AKR1E2: variants seen among roughly 807,000 people sequenced by gnomAD.
AKR1E2 encodes the protein 1,5-anhydro-D-fructose reductase.
Under a neutral mutation model 41.9 loss-of-function variants are expected in AKR1E2, and 43 were observed. The ratio of observed to expected loss-of-function variants is 1.03; its 90% CI spans 0.80 to 1.32. AKR1E2 has a LOEUF of 1.32. Ranked by LOEUF, AKR1E2 falls within the 40% of genes most tolerant of loss-of-function variation. The pLI is 0.00. For synonymous variants in AKR1E2, 121 were observed against 138.9 expected, an observed-to-expected ratio of 0.87 and a Z score of 0.91; for missense variants, 423 against 396.5, an observed-to-expected ratio of 1.07 and a Z score of -0.57.
chr10:4,863,990 G>A, the AKR1E2 span, among the ~76,000 whole-genome samples: 1 of 152,068 alleles, frequency 6.6e-6, no homozygotes, highest in African/African-American at 2.4e-5. Context: ...ACCAAAAAAA[G>A]CCCAGGACCA....
At position 4,826,330 on chromosome 10, in the gene AKR1E2, A is replaced by G; in HGVS notation, c.6A>G (p.Gly2=). The G allele has an allele frequency of 8.1e-7, 1 of 1,234,244 alleles. No individual in the cohort carries two copies. Among genetic ancestry groups the G allele is most frequent in the Non-Finnish European group, 1.0e-6 (1 of 987,502 alleles). 76.5% of individuals were successfully genotyped at this position (1,234,244 alleles called of 1,614,324 possible). M[G]DIPAVGLSSW... ...CGGGGCGGCCGGCGGCGGCCATGGG[A>G]GATATCCCAGCCGTGGGCCTCAGCT... The change falls in exon 1 of 10, where the codon GGA becomes GGG. Residue 2 remains glycine (G), a synonymous_variant. Transcript: ENST00000298375.
At chr10:4,859,025 T>G in the AKR1E2 span, among the ~76,000 whole-genome samples, 1 of 152,048 alleles carries the variant, frequency 6.6e-6, no homozygotes, top group South Asian at 2.1e-4. Context: ...GGTTTCACCA[T>G]GTTGGCCAGG....
intron 3 of AKR1E2, among the ~76,000 whole-genome samples, chr10:4,834,534 T>C (rs1833245117): frequency 6.6e-6 from 1 of 152,238 alleles, no homozygotes; most frequent in Non-Finnish European, 1.5e-5. Context: ...TGTAATTATG[T>C]ACCCAGAACT....
At chr10:4,848,475 C>T (rs1454493240), downstream of AKR1E2, among the ~76,000 whole-genome samples, 2 of 152,178 alleles carry the variant, frequency 1.3e-5, no homozygotes, top group East Asian at 3.9e-4. Context: ...TGGCCTAGCT[C>T]CTGTGCCCTG....
the AKR1E2 span, among the ~76,000 whole-genome samples, chr10:4,863,769 T>C: frequency 2.0e-5 from 3 of 151,958 alleles, no homozygotes; most frequent in East Asian, 5.8e-4. Flanking sequence ...TAAAAAATGA[T>C]AAAGGGGATA....
At chr10:4,842,584 C>G in intron 8 of AKR1E2, 80 bp downstream of exon 8, 3 of 1,333,784 alleles carry the variant, frequency 2.2e-6, no homozygotes, top group South Asian at 1.2e-5. Flanking sequence ...AGCATACAGC[C>G]TCAGGGTTGC....
chr10:4,833,394 C>T lies in AKR1E2; in HGVS notation c.252C>T (p.Cys84=). Residue 84 remains cysteine (C), a synonymous_variant, in exon 3 of 10, where the codon TGC becomes TGT. Coordinates refer to ENST00000298375, the MANE Select transcript of AKR1E2 (RefSeq NM_001040177.3). Reference sequence around the variant, plus strand: ...AGAAGTCCTTGGTGGAAACAGCATGCAGAAAGAGTCTCAAGGCCTTGAAGC... The same window carrying T: ...AGAAGTCCTTGGTGGAAACAGCATGTAGAAAGAGTCTCAAGGCCTTGAAGC... The part of the protein sequence containing the change: ...CHKKSLVETA[C]RKSLKALKLN... 6.2e-7 allele frequency: 1 copy of T among 1,614,178 alleles called. No individual in the cohort carries two copies. The highest frequency in any genetic ancestry group is 1.3e-5 in the African/African-American group (1 of 75,030).
chr10:4,857,595 C>G, the AKR1E2 span, among the ~76,000 whole-genome samples: 1 of 152,168 alleles, frequency 6.6e-6, no homozygotes, highest in African/African-American at 2.4e-5. Flanking sequence ...TACCCAGTCT[C>G]AGGTATTTCT....
At chr10:4,857,864 T>C in the AKR1E2 span, among the ~76,000 whole-genome samples, 55 of 152,258 alleles carry the variant, frequency 3.6e-4, no homozygotes, top group African/African-American at 1.2e-3. Flanking sequence ...TTGAGTCTTA[T>C]CATTTTTTAA....
chr10:4,830,460 T>G (rs945262024), intron 1 of AKR1E2, among the ~76,000 whole-genome samples: 2 of 141,034 alleles, frequency 1.4e-5, no homozygotes, highest in Non-Finnish European at 1.6e-5. Context: ...TAACCTATAG[T>G]TTTTTTTTCC....
At chr10:4,864,499 G>A in the AKR1E2 span, among the ~76,000 whole-genome samples, 33,525 of 150,804 alleles carry the variant, frequency 0.22, 3,954 homozygotes, top group Middle Eastern at 0.34. Context: ...CCCACAGCCA[G>A]TATCGTACTG....
chr10:4,830,806 C>T lies in AKR1E2; in HGVS notation c.171C>T (p.Gly57=), dbSNP rs200594708. The change falls in exon 2 of 10, where the codon GGC becomes GGT. Residue 57 remains glycine, a synonymous_variant. Transcript: ENST00000298375. ...GAGIRCKIKE[G]AVRREDLFIA... is the part of the protein sequence containing the mutation. ...GGATCCGTTGCAAGATCAAGGAAGGCGCTGTAAGACGGGAGGATCTGTTCA... is the reference window on the plus strand; with the variant it reads ...GGATCCGTTGCAAGATCAAGGAAGGTGCTGTAAGACGGGAGGATCTGTTCA... 158 of 1,614,072 alleles carry T rather than the reference C, an allele frequency of 9.8e-5. No homozygotes were observed. Among genetic ancestry groups the T allele is most frequent in the South Asian group, 1.8e-4 (16 of 91,082 alleles).
chr10:4,847,441 A>C, intron 9 of AKR1E2, 47 bp from the exon 10 acceptor site: 10 of 1,600,502 alleles, frequency 6.2e-6, no homozygotes, highest in African/African-American at 5.4e-5. Context: ...CTCTTAAAAA[A>C]TAATCATTCT....
chr10:4,853,483 A>G, the AKR1E2 span, among the ~76,000 whole-genome samples: 3 of 151,296 alleles, frequency 2.0e-5, no homozygotes, highest in African/African-American at 7.3e-5. Context: ...ATATCTGAAG[A>G]GATTGATTCT....
At chr10:4,854,893 A>G in the AKR1E2 span, among the ~76,000 whole-genome samples, 1 of 152,162 alleles carries the variant, frequency 6.6e-6, no homozygotes, top group African/African-American at 2.4e-5. Context: ...TCGGCTAAGA[A>G]TGGGTTTGGC....
chr10:4,864,457 A>G, the AKR1E2 span, among the ~76,000 whole-genome samples: 2 of 152,126 alleles, frequency 1.3e-5, no homozygotes, highest in Admixed American at 1.3e-4. Context: ...GATGGGACAT[A>G]TCTCAAAATA....
intron 8 of AKR1E2, among the ~76,000 whole-genome samples, chr10:4,844,073 T>C (rs1041308199): frequency 6.6e-6 from 1 of 152,228 alleles, no homozygotes; most frequent in African/African-American, 2.4e-5. Context: ...TTGGTCTCAC[T>C]GACTTCAGGA....
rs1833356507 is a variant in AKR1E2 at position 4,835,701 on chromosome 10, C to T, written c.351C>T (p.Ser117=). The change falls in exon 4 of 10, where the codon AGC becomes AGT. Residue 117 remains serine, a synonymous_variant. Coordinates refer to ENST00000298375, the MANE Select transcript of AKR1E2 (RefSeq NM_001040177.3). ...FKPPHPEWIM[S]CSELSFCLSH... is the part of the protein sequence containing the mutation. ...CTCCTCATCCAGAATGGATCATGAG[C>T]TGCAGTGAACTTTCCTTCTGCCTCT... The T allele has an allele frequency of 6.2e-7, 1 of 1,614,140 alleles. No individual in the cohort carries two copies. Among genetic ancestry groups the T allele is most frequent in the Non-Finnish European group, 8.5e-7 (1 of 1,180,024 alleles).
chr10:4,871,905 A>C, the AKR1E2 span: 1 of 152,192 alleles, frequency 6.6e-6, no homozygotes, highest in Non-Finnish European at 1.5e-5. Flanking sequence ...CTTTATATTC[A>C]TCAAGAAATG....
Sources: allele counts gnomAD v4.1 joint callset (sites outside exome capture counted in the v4.1 genomes callset), GRCh38; gene constraint gnomAD v4.1.1; transcripts MANE v1.5; gene names NCBI Gene and HGNC (gene_info 2026-07-23, HGNC 2026-07-21).